Variants in MECR observed in about 807,000 individuals in gnomAD.
MECR encodes the protein enoyl-[acyl-carrier-protein] reductase, mitochondrial.
MECR carries 37 observed loss-of-function variants against 49.1 expected under a neutral mutation model. The observed-to-expected ratio is 0.75, with a 90% CI of 0.58 to 0.99. The LOEUF (loss-of-function observed/expected upper bound fraction) is 0.99. MECR is among the 50% of genes least tolerant of loss of function. The pLI is 0.00. For missense variants in MECR, 470 were observed against 479.6 expected (o/e 0.98, Z 0.19); for synonymous variants, 198 against 191.1 (o/e 1.04, Z -0.30).
At chr1:29,186,771 G>A in the MECR span, among the ~76,000 whole-genome samples, 1 of 152,184 alleles carries the variant, frequency 6.6e-6, no homozygotes. Flanking sequence ...GGAGCCAAAA[G>A]AATTGGGACT....
In MECR at chr1:29,201,645, C is replaced by A; in HGVS notation, c.756+298G>T. ...CTGTGTCTCTGTTTCCTCAGGTCCT[C>A]TCCTGCCAGTTCTAAGAGTCACACA... On this transcript the variant is annotated intron_variant, in intron 6 of 9. Transcript: ENST00000263702. This position sits in a 1 kb window ranked among gnomAD's most constrained non-coding sequence, Gnocchi z 4.3. The A allele has an allele frequency of 1.9e-6, 1 of 516,680 alleles. No individual in the cohort carries two copies. Among genetic ancestry groups the A allele is most frequent in the Non-Finnish European group, 3.5e-6 (1 of 282,632 alleles). The allele number at this position is 516,680 out of a possible 1,614,324, so 32.0% of individuals were successfully genotyped here.
chr1:29,176,880 GT>G, the MECR span, among the ~76,000 whole-genome samples: 1 of 152,200 alleles, frequency 6.6e-6, no homozygotes. Context: ...AGGTTCTGAA[GT>G]TTAAATCCAA....
chr1:29,201,456 G>C lies in MECR; in HGVS notation c.756+487C>G. On this transcript the variant is annotated intron_variant, in intron 6 of 9. Coordinates refer to ENST00000263702, the MANE Select transcript of MECR (RefSeq NM_016011.5). The surrounding 1 kb of genome is among the most constrained non-coding windows in gnomAD (Gnocchi z 4.3). The stretch of plus-strand genomic sequence containing the variant: ...CTGAGGCCAGCTCTGACTCTCTGGA[G>C]CCCTTATAAACTATATGATTTTGGT... 1.9e-6 allele frequency: 1 copy of C among 517,932 alleles called. No homozygotes were observed. Among genetic ancestry groups the C allele is most frequent in the African/African-American group, 1.9e-5 (1 of 51,880 alleles). 32.1% of individuals were successfully genotyped at this position (517,932 alleles called of 1,614,324 possible).
intron 2 of MECR, 118 bp downstream of exon 2, chr1:29,216,470 C>G: frequency 9.3e-7 from 1 of 1,077,238 alleles, no homozygotes; most frequent in Non-Finnish European, 1.4e-6. Context: ...GACGGCTCAT[C>G]TGGAGAACAG....
the MECR span, among the ~76,000 whole-genome samples, chr1:29,186,142 G>A: frequency 6.6e-6 from 1 of 152,264 alleles, no homozygotes; most frequent in Non-Finnish European, 1.5e-5. Context: ...CCCAATGCAA[G>A]TGGCACCACC....
chr1:29,173,992 C>T, the MECR span, among the ~76,000 whole-genome samples: 1 of 151,456 alleles, frequency 6.6e-6, no homozygotes, highest in Non-Finnish European at 1.5e-5. Flanking sequence ...AGTTTGAGAA[C>T]AGCCTGGCCA....
chr1:29,170,523 A>C, the MECR span: 1 of 152,162 alleles, frequency 6.6e-6, no homozygotes, highest in East Asian at 1.9e-4. Context: ...TGTCCCTCAT[A>C]ATCGCCCCTG....
At chr1:29,215,563 C>A (rs1220363394) in intron 3 of MECR, among the ~76,000 whole-genome samples, 3 of 149,750 alleles carry the variant, frequency 2.0e-5, no homozygotes, top group Admixed American at 6.7e-5. Flanking sequence ...CAAAGTGAGA[C>A]CCTGTCTCAA....
At chr1:29,191,234 G>A (rs1574211822), downstream of MECR, among the ~76,000 whole-genome samples, 1 of 152,126 alleles carries the variant, frequency 6.6e-6, no homozygotes, top group Non-Finnish European at 1.5e-5. Flanking sequence ...GGCACCAGGG[G>A]CCTGCTCCTT....
At chr1:29,226,282 G>A (rs535247541) in intron 1 of MECR, among the ~76,000 whole-genome samples, 74 of 150,040 alleles carry the variant, frequency 4.9e-4, no homozygotes, top group African/African-American at 1.7e-3. Flanking sequence ...AAGCCAAGAT[G>A]ATCAGGATGC....
the MECR span, among the ~76,000 whole-genome samples, chr1:29,176,168 C>G: frequency 6.6e-6 from 1 of 152,118 alleles, no homozygotes; most frequent in Non-Finnish European, 1.5e-5. Flanking sequence ...AGGAGAATTG[C>G]TTGAACCCAA....
At chr1:29,170,551 T>C in the MECR span, 1 of 152,230 alleles carries the variant, frequency 6.6e-6, no homozygotes, top group Non-Finnish European at 1.5e-5. Context: ...GGCTGGAGTC[T>C]GTTTCTTCAT....
downstream of MECR, among the ~76,000 whole-genome samples, chr1:29,188,784 C>T (rs558185408): frequency 2.6e-5 from 4 of 151,970 alleles, no homozygotes; most frequent in South Asian, 2.1e-4. Context: ...GGATTACAGG[C>T]GCCCGCTACC....
At chr1:29,222,080 A>G (rs951513242) in intron 1 of MECR, among the ~76,000 whole-genome samples, 1 of 152,066 alleles carries the variant, frequency 6.6e-6, no homozygotes, top group Admixed American at 6.6e-5. Flanking sequence ...TTTTTCTTGG[A>G]GATACTGTTA....
At position 29,195,842 on chromosome 1, in the gene MECR, C is replaced by G. The variant is rs558980915; in HGVS notation, c.964+99G>C. 1.7e-5 allele frequency: 20 copies of G among 1,210,808 alleles called. No homozygotes were observed. The South Asian group carries it at 2.4e-4, about 15-fold the overall frequency. 75.0% of individuals were successfully genotyped at this position (1,210,808 alleles called of 1,614,324 possible). On this transcript the variant is annotated intron_variant, in intron 9 of 9. Transcript: ENST00000263702. ...TTGATCCTTCTGTGGGGCTGGGGACCCAATCACCCCTCCAGGGCTCAGAAT... is the reference window on the plus strand; with the variant it reads ...TTGATCCTTCTGTGGGGCTGGGGACGCAATCACCCCTCCAGGGCTCAGAAT...
chr1:29,228,023 T>C (rs139459886), intron 1 of MECR, among the ~76,000 whole-genome samples: 11 of 152,186 alleles, frequency 7.2e-5, no homozygotes, highest in South Asian at 4.1e-4. Context: ...CAAGCCATCC[T>C]AGACCTACTA....
At chr1:29,170,169 G>C in the MECR span, 4 of 152,098 alleles carry the variant, frequency 2.6e-5, no homozygotes, top group African/African-American at 4.8e-5. Context: ...AAATGAAATT[G>C]AAAGCTTTCA....
chr1:29,230,361 T>G (rs1329848942), intron 1 of MECR: 1 of 232,282 alleles, frequency 4.3e-6, no homozygotes, highest in African/African-American at 2.4e-5. Flanking sequence ...TTACTGGCTG[T>G]GTGACCTTGG....
At position 29,201,517 on chromosome 1, in the gene MECR, A is replaced by G; in HGVS notation, c.756+426T>C. 1 of 473,320 alleles carries G rather than the reference A, an allele frequency of 2.1e-6. No homozygotes were observed. The highest frequency in any genetic ancestry group is 4.3e-6 in the Non-Finnish European group (1 of 229,926). The allele number at this position is 473,320 out of a possible 1,614,324, so 29.3% of individuals were successfully genotyped here. ...CTCTTTTCTGAGTCTTAGTTTCCTA[A>G]TCTGTAAAACAGATAACAGTTCCTT... On this transcript the variant is annotated intron_variant, in intron 6 of 9. Coordinates refer to ENST00000263702, the MANE Select transcript of MECR (RefSeq NM_016011.5). The surrounding 1 kb of genome is among the most constrained non-coding windows in gnomAD (Gnocchi z 4.3).
Sources: allele counts gnomAD v4.1 joint callset (sites outside exome capture counted in the v4.1 genomes callset), GRCh38; gene constraint gnomAD v4.1.1; non-coding constraint Gnocchi (gnomAD v3.1); transcripts MANE v1.5; gene names NCBI Gene and HGNC (gene_info 2026-07-23, HGNC 2026-07-21).